Variants in TCF12 observed in about 807,000 individuals in gnomAD.
TCF12 encodes the protein DNA-binding protein HTF4.
TCF12 carries 45 observed loss-of-function variants against 86.0 expected under a neutral mutation model. That is an observed-to-expected ratio of 0.52 (90% CI 0.41 to 0.67). The LOEUF (loss-of-function observed/expected upper bound fraction) is 0.67. Ranked by LOEUF, TCF12 falls within the 30% of genes least tolerant of loss-of-function variation. The pLI is 0.00. For missense variants in TCF12, 881 were observed against 859.9 expected (o/e 1.02, Z -0.31); for synonymous variants, 330 against 299.6 (o/e 1.10, Z -1.05).
At chr15:57,235,290 A>G (rs1004302518) in intron 12 of TCF12, among the ~76,000 whole-genome samples, 2 of 152,202 alleles carry the variant, frequency 1.3e-5, no homozygotes, top group Non-Finnish European at 2.9e-5. Context: ...TTAATCCTCA[A>G]GAAAGCCCTG....
At chr15:57,089,693 G>T (rs1463577818) in intron 4 of TCF12, among the ~76,000 whole-genome samples, 1 of 150,846 alleles carries the variant, frequency 6.6e-6, no homozygotes, top group Non-Finnish European at 1.5e-5. Context: ...GCATTCAAAT[G>T]TGTAGCGTGA....
intron 16 of TCF12, among the ~76,000 whole-genome samples, chr15:57,254,952 A>G (rs2060282507): frequency 2.6e-5 from 4 of 152,108 alleles, no homozygotes; most frequent in Non-Finnish European, 5.9e-5. Context: ...TAATGGTATA[A>G]TAAAAGGAAT....
intron 3 of TCF12, among the ~76,000 whole-genome samples, chr15:57,013,447 AT>A (rs1218565309): frequency 4.6e-5 from 7 of 152,104 alleles, no homozygotes; most frequent in Admixed American, 4.6e-4. Flanking sequence ...AGTGGCTGAG[AT>A]TATAAGTGTG....
At chr15:57,252,289 A>G (rs1416873808) in intron 14 of TCF12, 132 bp from the exon 15 acceptor site, 4 of 633,712 alleles carry the variant, frequency 6.3e-6, no homozygotes, top group Non-Finnish European at 1.1e-5. Context: ...ATCTTAATAA[A>G]ATAGATCTCG....
chr15:57,190,393 T>G (rs1333541232), intron 6 of TCF12, among the ~76,000 whole-genome samples: 1 of 152,160 alleles, frequency 6.6e-6, no homozygotes, highest in Non-Finnish European at 1.5e-5. Context: ...GAGGTTTTAT[T>G]TCTCAGTTCC....
chr15:57,051,435 AC>A (rs1457419104), intron 3 of TCF12, among the ~76,000 whole-genome samples: 11 of 151,840 alleles, frequency 7.2e-5, no homozygotes, highest in Non-Finnish European at 1.3e-4. Context: ...ATTTCCAGTC[AC>A]ATTGGCATTC....
chr15:57,024,175 A>G (rs1273213593), intron 3 of TCF12, among the ~76,000 whole-genome samples: 1 of 151,920 alleles, frequency 6.6e-6, no homozygotes, highest in Non-Finnish European at 1.5e-5. Context: ...AAGAAAGGCA[A>G]AGTGCAAAAC....
chr15:57,061,260 C>T (rs1238621518), intron 3 of TCF12, among the ~76,000 whole-genome samples: 4 of 152,060 alleles, frequency 2.6e-5, no homozygotes, highest in Admixed American at 2.6e-4. Flanking sequence ...GTAACTGGCA[C>T]CCATCTTTCC....
intron 5 of TCF12, among the ~76,000 whole-genome samples, chr15:57,153,194 A>G (rs1473229490): frequency 3.9e-5 from 6 of 152,230 alleles, no homozygotes; most frequent in African/African-American, 1.4e-4. Flanking sequence ...AAGTTCTTCA[A>G]GCAGGGGGAA....
intron 4 of TCF12, among the ~76,000 whole-genome samples, chr15:57,087,125 C>A (rs1442657613): frequency 6.6e-6 from 1 of 151,534 alleles, no homozygotes; most frequent in African/African-American, 2.4e-5. Flanking sequence ...CTCCCTACCC[C>A]CCTGCTCACC....
chr15:57,131,856 C>T (rs1031819485), intron 5 of TCF12, among the ~76,000 whole-genome samples: 7 of 152,180 alleles, frequency 4.6e-5, no homozygotes, highest in Non-Finnish European at 8.8e-5. Flanking sequence ...GAAGTAGAAT[C>T]TGAGTCTTCT....
intron 5 of TCF12, among the ~76,000 whole-genome samples, chr15:57,131,596 T>C (rs960470696): frequency 1.3e-5 from 2 of 152,196 alleles, no homozygotes; most frequent in African/African-American, 2.4e-5. Flanking sequence ...TGACCACTTA[T>C]AACAATAAGT....
At chr15:57,123,057 A>G (rs1163811689) in intron 5 of TCF12, among the ~76,000 whole-genome samples, 1 of 152,250 alleles carries the variant, frequency 6.6e-6, no homozygotes, top group Non-Finnish European at 1.5e-5. Flanking sequence ...CATTGAAGCA[A>G]AAAAGACAGA....
At chr15:57,169,737 TAATA>T (rs1255814153) in intron 6 of TCF12, among the ~76,000 whole-genome samples, 1 of 152,202 alleles carries the variant, frequency 6.6e-6, no homozygotes, top group Non-Finnish European at 1.5e-5. Context: ...CAGCTAAGTC[TAATA>T]AATCATAGTT....
chr15:57,251,159 AT>A (rs150321424), intron 13 of TCF12, 190 bp from the exon 14 acceptor site: 59 of 456,526 alleles, frequency 1.3e-4, no homozygotes, highest in South Asian at 5.4e-4. Context: ...TCAGCACCCC[AT>A]TTTTTTTATT....
At chr15:57,203,183 CTTG>C (rs1317028156) in intron 8 of TCF12, among the ~76,000 whole-genome samples, 10 of 152,140 alleles carry the variant, frequency 6.6e-5, no homozygotes, top group Non-Finnish European at 1.5e-4. Flanking sequence ...GGAAGGAAAA[CTTG>C]TTGAATCAAA....
chr15:56,953,268 T>C (rs1342376961), intron 3 of TCF12, among the ~76,000 whole-genome samples: 1 of 152,108 alleles, frequency 6.6e-6, no homozygotes, highest in African/African-American at 2.4e-5. Flanking sequence ...ATTTAGAATT[T>C]TTCATGTGTG....
intron 3 of TCF12, among the ~76,000 whole-genome samples, chr15:56,976,583 G>T (rs1485568154): frequency 6.6e-6 from 1 of 151,894 alleles, no homozygotes; most frequent in Non-Finnish European, 1.5e-5. Context: ...TTACAAATTT[G>T]TATTTAAGCC....
At chr15:57,151,261 G>T in intron 5 of TCF12, among the ~76,000 whole-genome samples, 1 of 150,314 alleles carries the variant, frequency 6.7e-6, no homozygotes, top group East Asian at 2.0e-4. Context: ...GATTATATGT[G>T]TGAGCCACCA....
Sources: allele counts gnomAD v4.1 joint callset (sites outside exome capture counted in the v4.1 genomes callset), GRCh38; gene constraint gnomAD v4.1.1; transcripts MANE v1.5; gene names NCBI Gene and HGNC (gene_info 2026-07-23, HGNC 2026-07-21).